ALDH3B1: variants seen among roughly 807,000 people sequenced by gnomAD.
The protein encoded by ALDH3B1 is aldehyde dehydrogenase family 3 member B1.
A neutral mutation model predicts 46.2 loss-of-function variants in ALDH3B1; 37 were observed. The ratio of observed to expected loss-of-function variants is 0.80; its 90% CI spans 0.62 to 1.05. The LOEUF is 1.05. Ranked by LOEUF, ALDH3B1 falls within the 50% of genes least tolerant of loss-of-function variation. The pLI is 0.00. For missense variants in ALDH3B1, 603 were observed against 665.5 expected (o/e 0.91, Z 1.03); for synonymous variants, 283 against 281.0 (o/e 1.01, Z -0.07).
intron 2 of ALDH3B1, chr11:68,016,074 T>C (rs1439190121): frequency 5.8e-6 from 1 of 171,674 alleles, no homozygotes; most frequent in African/African-American, 2.4e-5. Flanking sequence ...TCAAAAATAA[T>C]AATAAAGATA....
intron 2 of ALDH3B1, chr11:68,015,996 G>T: frequency 8.0e-6 from 2 of 248,972 alleles, no homozygotes; most frequent in Non-Finnish European, 1.6e-5. Context: ...AACCTGGGAG[G>T]TGGAGGTTGC....
At chr11:68,009,107 G>A (rs780259690), upstream of ALDH3B1, among the ~76,000 whole-genome samples, 1 of 152,304 alleles carries the variant, frequency 6.6e-6, no homozygotes, top group East Asian at 1.9e-4. Flanking sequence ...CATCCGAAAC[G>A]GGTGCAGCCC....
In ALDH3B1 at chr11:68,010,471, G is replaced by T. The variant is rs138652435; in HGVS notation, c.-2+79G>T. ...TCCAGCTCAGCAACTCCGGGTTACA[G>T]GCAGCCCAGGCGGGCCTAGCCACCG... On this transcript the variant is annotated intron_variant, in intron 1 of 9. Coordinates refer to ENST00000342456, the MANE Select transcript of ALDH3B1 (RefSeq NM_000694.4). The T allele has an allele frequency of 2.6e-5, 4 of 152,604 alleles. No homozygotes were observed. The East Asian group carries it at 5.8e-4, about 22-fold the overall frequency. The allele number at this position is 152,604 out of a possible 1,614,324, so 9.5% of individuals were successfully genotyped here. A position where few individuals can be genotyped will look rare whatever the true frequency, so the allele number is the denominator to read the frequency against.
intron 6 of ALDH3B1, 147 bp from the exon 7 acceptor site, chr11:68,021,338 G>C (rs1353545452): frequency 1.7e-6 from 2 of 1,201,276 alleles, no homozygotes; most frequent in South Asian, 1.5e-5. Flanking sequence ...TGGGCTGCAG[G>C]GTGGCAGTGA....
At position 68,021,778 on chromosome 11, in the gene ALDH3B1, A is replaced by G; in HGVS notation, c.856A>G (p.Ile286Val). Residue 286 changes from isoleucine to valine, a missense_variant, in exon 7 of 10, where the codon ATC becomes GTC. Transcript: ENST00000342456. ...PQSSPNLGRIINQKQFQRLRA... is the reference protein window; with the variant it reads ...PQSSPNLGRIVNQKQFQRLRA... ...GAGCTCCCCAAACCTGGGCCGCATC[A>G]TCAACCAGAAACAGTTCCAGCGGCT... 2 of 1,614,066 alleles carry G rather than the reference A, an allele frequency of 1.2e-6. No homozygotes were observed. The highest frequency in any genetic ancestry group is 4.5e-5 in the East Asian group (2 of 44,860).
At chr11:68,019,476 C>T (rs1050946080) in intron 5 of ALDH3B1, among the ~76,000 whole-genome samples, 4 of 152,252 alleles carry the variant, frequency 2.6e-5, no homozygotes, top group Non-Finnish European at 5.9e-5. Flanking sequence ...TGTCTGCCTC[C>T]ACCTGGCCCT....
Position 68,015,318 on chromosome 11 carries a change from G to A in ALDH3B1, c.21G>A (p.Thr7=), listed in dbSNP as rs373983642. The A allele has an allele frequency of 3.3e-5, 50 of 1,509,146 alleles. No homozygotes were observed. Among genetic ancestry groups the A allele is most frequent in the African/African-American group, 1.1e-4 (8 of 72,386 alleles). The allele number at this position is 1,509,146 out of a possible 1,614,324, so 93.5% of individuals were successfully genotyped here. Residue 7 remains threonine, a synonymous_variant, in exon 2 of 10, where the codon ACG becomes ACA. Transcript: ENST00000342456. ...GCAGGATGGACCCCCTTGGGGACAC[G>A]CTGCGGCGACTGCGGGAGGCCTTCC... is the stretch of plus-strand genomic sequence containing the variant. MDPLGD[T]LRRLREAFHA... is the part of the protein sequence containing the mutation.
Position 68,028,243 on chromosome 11 carries a change from T to A in ALDH3B1, c.*304T>A. On this transcript the variant is annotated 3_prime_UTR_variant, in exon 10 of 10. Transcript: ENST00000342456. ...AGAGGACAGACACGGCACCTCTGAG[T>A]CACCCCTCTCCTGTGGAGCGGGCGT... The A allele has an allele frequency of 3.6e-6, 2 of 554,172 alleles. No homozygotes were observed. The highest frequency in any genetic ancestry group is 3.2e-5 in the South Asian group (2 of 61,830). The allele number at this position is 554,172 out of a possible 1,614,324, so 34.3% of individuals were successfully genotyped here.
Position 68,026,029 on chromosome 11 carries a change from C to G in ALDH3B1, c.1137C>G (p.Thr379=). ...CCCAGGTGGTCAAGCGGGTGCTGACCCAGACCAGCAGCGGGGGCTTCTGTG... is the reference window on the plus strand; with the variant it reads ...CCCAGGTGGTCAAGCGGGTGCTGACGCAGACCAGCAGCGGGGGCTTCTGTG... The part of the protein sequence containing the change: ...NSSQVVKRVL[T]QTSSGGFCGN... The change falls in exon 9 of 10, where the codon ACC becomes ACG. Residue 379 remains threonine (T), a synonymous_variant. Coordinates refer to ENST00000342456, the MANE Select transcript of ALDH3B1 (RefSeq NM_000694.4). 6.2e-7 allele frequency: 1 copy of G among 1,607,552 alleles called. No individual in the cohort carries two copies.
At chr11:68,019,935 T>C (rs1857450903) in intron 6 of ALDH3B1, 139 bp downstream of exon 6, 2 of 963,678 alleles carry the variant, frequency 2.1e-6, no homozygotes, top group Admixed American at 4.7e-5. Flanking sequence ...GGAGCAGTCC[T>C]GGACCCCCAG....
intron 1 of ALDH3B1, among the ~76,000 whole-genome samples, chr11:68,012,039 C>T (rs77662246): frequency 1.3e-5 from 2 of 152,334 alleles, no homozygotes; most frequent in African/African-American, 2.4e-5. Flanking sequence ...CCATGCCATG[C>T]TGGGAGGATG....
Position 68,025,992 on chromosome 11 carries a change from A to G in ALDH3B1, c.1117-17A>G. ...TGGGGCTCAAGGCAGCCTCACGCACATCCTGTTCTCTCCCAGGTGGTCAAG... is the reference window on the plus strand; with the variant it reads ...TGGGGCTCAAGGCAGCCTCACGCACGTCCTGTTCTCTCCCAGGTGGTCAAG... On this transcript the variant is annotated splice_polypyrimidine_tract_variant and intron_variant, in intron 8 of 9. Transcript: ENST00000342456. 6.4e-7 allele frequency: 1 copy of G among 1,572,810 alleles called. No individual in the cohort carries two copies. The highest frequency in any genetic ancestry group is 8.6e-7 in the Non-Finnish European group (1 of 1,158,430).
chr11:68,024,241 C>T (rs1309702211), intron 8 of ALDH3B1: 3 of 152,234 alleles, frequency 2.0e-5, no homozygotes, highest in African/African-American at 7.2e-5. Flanking sequence ...CTGCCTCTCA[C>T]ACCACATCTG....
At chr11:68,014,881 G>A (rs376124479) in intron 1 of ALDH3B1, 26 of 166,628 alleles carry the variant, frequency 1.6e-4, no homozygotes, top group East Asian at 6.8e-4. Flanking sequence ...AGGCTGCCCC[G>A]CCTCCAGGAG....
At chr11:68,008,609 C>G (rs1449857839), upstream of ALDH3B1, 2 of 152,202 alleles carry the variant, frequency 1.3e-5, no homozygotes, top group African/African-American at 2.4e-5. Context: ...GACAGGGGCT[C>G]TGCAGTCCTT....
At chr11:68,023,179 G>T (rs539111285) in intron 8 of ALDH3B1, among the ~76,000 whole-genome samples, 6 of 152,200 alleles carry the variant, frequency 3.9e-5, no homozygotes, top group Admixed American at 1.3e-4. Context: ...AAGCTGCAGA[G>T]GCAGCCTGGG....
intron 6 of ALDH3B1, among the ~76,000 whole-genome samples, chr11:68,021,191 G>C (rs1195765544): frequency 6.6e-6 from 1 of 152,186 alleles, no homozygotes; most frequent in African/African-American, 2.4e-5. Flanking sequence ...GGGTCAGCCA[G>C]GGTCACAAGC....
chr11:68,014,002 A>G (rs890938957), intron 1 of ALDH3B1, among the ~76,000 whole-genome samples: 1 of 152,228 alleles, frequency 6.6e-6, no homozygotes, highest in African/African-American at 2.4e-5. Flanking sequence ...AGACCGGAGC[A>G]GGTCCCGCCC....
At chr11:68,027,708 C>T (rs1025208497) in intron 9 of ALDH3B1, 41 bp from the exon 10 acceptor site, 3 of 1,542,392 alleles carry the variant, frequency 1.9e-6, no homozygotes, top group African/African-American at 1.4e-5. Context: ...GACTAGGAGA[C>T]CCCCAGCGCC....
Sources: gnomAD v4.1 joint callset for allele counts (sites outside exome capture counted in the v4.1 genomes callset) on GRCh38, gnomAD v4.1.1 for gene constraint, MANE v1.5 for transcripts, NCBI Gene and HGNC (gene_info 2026-07-23, HGNC 2026-07-21) for gene names.